HCLS1: variants seen among roughly 807,000 people sequenced by gnomAD.
The protein encoded by HCLS1 is hematopoietic cell-specific Lyn substrate 1, also known as hematopoietic lineage cell-specific protein.
A neutral mutation model predicts 68.6 loss-of-function variants in HCLS1; 44 were observed. The ratio of observed to expected loss-of-function variants is 0.64; its 90% CI spans 0.50 to 0.82. The LOEUF (loss-of-function observed/expected upper bound fraction) is 0.82, where lower values mean the gene tolerates loss of function less well. Ranked by LOEUF, HCLS1 falls within the 40% of genes least tolerant of loss-of-function variation. The probability of loss-of-function intolerance (pLI) is 0.00; values close to 1 mark genes in which losing one functional copy is unlikely to be tolerated. For missense variants in HCLS1, 602 were observed against 612.1 expected (o/e 0.98, Z 0.17); for synonymous variants, 217 against 225.8 (o/e 0.96, Z 0.35).
At chr3:121,659,840 T>C (rs1028059379) in intron 1 of HCLS1, among the ~76,000 whole-genome samples, 8 of 152,176 alleles carry the variant, frequency 5.3e-5, no homozygotes, top group Non-Finnish European at 7.4e-5. Context: ...AAGGAAGCAA[T>C]GAGGACTGAT....
At chr3:121,658,225 C>T (rs764035763) in intron 2 of HCLS1, 39 bp downstream of exon 2, 1 of 1,499,922 alleles carries the variant, frequency 6.7e-7, no homozygotes, top group East Asian at 2.3e-5. Flanking sequence ...CCTCACCCCA[C>T]CCTCTGCACT....
chr3:121,645,116 C>T (rs924313590), intron 4 of HCLS1, among the ~76,000 whole-genome samples, 188 bp from the exon 5 acceptor site: 14 of 152,304 alleles, frequency 9.2e-5, no homozygotes, highest in African/African-American at 3.1e-4. Context: ...CTGCTCATCC[C>T]TGTTCTTCTC....
intron 3 of HCLS1, chr3:121,653,642 T>C (rs936901394): frequency 6.6e-6 from 1 of 152,202 alleles, no homozygotes; most frequent in Admixed American, 6.5e-5. Flanking sequence ...CATAAGCCTT[T>C]TTACAGCAGA....
intron 5 of HCLS1, 187 bp from the exon 6 acceptor site, chr3:121,643,168 G>C: frequency 3.9e-6 from 2 of 513,922 alleles, no homozygotes; most frequent in South Asian, 4.9e-5. Flanking sequence ...ATAGGCCCTG[G>C]ACACAGACAG....
At chr3:121,641,569 T>C (rs761875638) in intron 6 of HCLS1, among the ~76,000 whole-genome samples, 28 of 152,062 alleles carry the variant, frequency 1.8e-4, no homozygotes, top group Non-Finnish European at 3.5e-4. Flanking sequence ...AATAATAAGA[T>C]GGAATAAGAT....
intron 3 of HCLS1, among the ~76,000 whole-genome samples, chr3:121,654,718 C>T (rs553935181): frequency 7.2e-5 from 11 of 152,284 alleles, no homozygotes; most frequent in Admixed American, 2.6e-4. Flanking sequence ...TGCTTTTAGT[C>T]GTCTCAGCTC....
chr3:121,639,444 T>C (rs2049177904), intron 6 of HCLS1, among the ~76,000 whole-genome samples: 1 of 152,130 alleles, frequency 6.6e-6, no homozygotes, highest in East Asian at 1.9e-4. Flanking sequence ...GCTCAGAAAA[T>C]CAATAACAGC....
In HCLS1 at chr3:121,634,436, A is replaced by G; in HGVS notation, c.692-18T>C. 1 of 1,613,066 alleles carries G rather than the reference A, an allele frequency of 6.2e-7. No individual in the cohort carries two copies. The highest frequency in any genetic ancestry group is 8.5e-7 in the Non-Finnish European group (1 of 1,179,124). ...ACTAGAAGCTGCAGACACAGGCAAG[A>G]AAAATTAGGGTTGTCTTGGATTGGA... On this transcript the variant is annotated intron_variant, in intron 9 of 13. Coordinates refer to ENST00000314583, the MANE Select transcript of HCLS1 (RefSeq NM_005335.6).
At chr3:121,656,632 C>G (rs1157059800) in intron 3 of HCLS1, among the ~76,000 whole-genome samples, 1 of 152,196 alleles carries the variant, frequency 6.6e-6, no homozygotes, top group Non-Finnish European at 1.5e-5. Flanking sequence ...GATCCCTGAA[C>G]ATCGTTGCCA....
intron 10 of HCLS1, among the ~76,000 whole-genome samples, chr3:121,633,513 C>G (rs568440531): frequency 1.3e-5 from 2 of 152,126 alleles, no homozygotes; most frequent in African/African-American, 2.4e-5. Context: ...TGAGCCACCA[C>G]GCTCGGCCCA....
intron 4 of HCLS1, among the ~76,000 whole-genome samples, chr3:121,646,141 T>C (rs1462154058): frequency 4.2e-5 from 2 of 47,430 alleles, no homozygotes; most frequent in Admixed American, 2.1e-4. Context: ...ACAGATACTA[T>C]ATATAAGTAT....
chr3:121,640,556 C>A (rs1189185241), intron 6 of HCLS1, among the ~76,000 whole-genome samples: 3 of 151,722 alleles, frequency 2.0e-5, no homozygotes, highest in Non-Finnish European at 2.9e-5. Context: ...AGAAGTGGCA[C>A]AGGGAACCAT....
chr3:121,644,311 GT>G (rs1293836501), intron 5 of HCLS1: 1 of 213,430 alleles, frequency 4.7e-6, no homozygotes, highest in African/African-American at 2.3e-5. Flanking sequence ...ACAACATTTT[GT>G]TTTGTTTTGT....
intron 3 of HCLS1, chr3:121,654,240 C>G (rs1409963654): frequency 1.3e-5 from 2 of 152,304 alleles, no homozygotes; most frequent in African/African-American, 4.8e-5. Context: ...TCAAGTGATC[C>G]TCCTGCCTCA....
chr3:121,649,814 G>A (rs1937703828), intron 3 of HCLS1, among the ~76,000 whole-genome samples: 2 of 152,138 alleles, frequency 1.3e-5, no homozygotes, highest in South Asian at 2.1e-4. Context: ...GCAAAATGTA[G>A]CACCTCAAAG....
intron 13 of HCLS1, 28 bp downstream of exon 13, chr3:121,632,073 C>A (rs774362322): frequency 6.2e-7 from 1 of 1,613,122 alleles, no homozygotes; most frequent in Middle Eastern, 1.6e-4. Context: ...CTCCATGTAC[C>A]AGGCTCCTCG....
chr3:121,637,820 CA>C (rs968518118), intron 6 of HCLS1, among the ~76,000 whole-genome samples: 2 of 151,966 alleles, frequency 1.3e-5, no homozygotes, highest in African/African-American at 4.8e-5. Flanking sequence ...TCTGTAGCCC[CA>C]GCTACTGGGG....
intron 6 of HCLS1, among the ~76,000 whole-genome samples, chr3:121,639,530 TTTGTTGTTGTTGTTG>T (rs373818113): frequency 1.3e-5 from 2 of 151,112 alleles, no homozygotes; most frequent in Non-Finnish European, 2.9e-5. Context: ...GATTTTATTT[TTTGTTGTTGTTGTTG>T]TTGTTGTTGT....
rs2108855317 is a variant in HCLS1 at position 121,632,413 on chromosome 3, G to A, written c.1159C>T (p.His387Tyr). 6.2e-7 allele frequency: 1 copy of A among 1,612,676 alleles called. No homozygotes were observed. The highest frequency in any genetic ancestry group is 1.1e-5 in the South Asian group (1 of 91,054). The stretch of plus-strand genomic sequence containing the variant: ...CCCTCTGGTTCATCCTCCTGCTCAT[G>A]CCTGTCCATCTCCTCAACGTCCTCA... ...DYEDVEEMDR[H>Y]EQEDEPEGDY... The change falls in exon 12 of 14, where the codon CAT becomes TAT. Residue 387 changes from histidine to tyrosine, a missense_variant. His to Tyr is a moderately conservative substitution (Grantham distance 83, BLOSUM62 2). Transcript: ENST00000314583.
Sources: gnomAD v4.1 joint callset for allele counts (sites outside exome capture counted in the v4.1 genomes callset) on GRCh38, gnomAD v4.1.1 for gene constraint, MANE v1.5 for transcripts, NCBI Gene and HGNC (gene_info 2026-07-23, HGNC 2026-07-21) for gene names.